Variants in APBA2 observed in about 807,000 individuals in gnomAD.
The protein encoded by APBA2 is amyloid beta precursor protein binding family A member 2, also known as amyloid-beta A4 precursor protein-binding family A member 2.
In APBA2, 30 loss-of-function variants were observed where a neutral mutation model predicts 75.0. That is an observed-to-expected ratio of 0.40 (90% CI 0.30 to 0.54). The LOEUF (loss-of-function observed/expected upper bound fraction) is 0.54. Among genes scored for constraint, APBA2 ranks in the 20% least tolerant of loss-of-function variants. The probability of loss-of-function intolerance (pLI) is 0.49; values close to 1 mark genes in which losing one functional copy is unlikely to be tolerated. For missense variants in APBA2, 801 were observed against 1,016.1 expected (o/e 0.79, Z 2.88); for synonymous variants, 444 against 409.6 (o/e 1.08, Z -1.01).
chr15:29,072,189 G>A (rs879895665), intron 4 of APBA2, among the ~76,000 whole-genome samples: 23 of 152,142 alleles, frequency 1.5e-4, no homozygotes, highest in Non-Finnish European at 1.0e-4. Flanking sequence ...ATTTGCTGGT[G>A]GGCTGGTTGA....
At chr15:29,067,506 T>G (rs558450798) in intron 4 of APBA2, among the ~76,000 whole-genome samples, 260 of 152,208 alleles carry the variant, frequency 1.7e-3, no homozygotes, top group Admixed American at 4.1e-3. Flanking sequence ...GAGCCTCCCC[T>G]TCTCTCCTAG....
At chr15:29,069,689 G>C (rs2042533763) in intron 4 of APBA2, among the ~76,000 whole-genome samples, 1 of 152,198 alleles carries the variant, frequency 6.6e-6, no homozygotes, top group East Asian at 1.9e-4. Flanking sequence ...ATTGGAAGGT[G>C]AGCTGTCCTA....
At chr15:28,978,403 C>T (rs958935545) in intron 2 of APBA2, among the ~76,000 whole-genome samples, 1 of 152,212 alleles carries the variant, frequency 6.6e-6, no homozygotes, top group African/African-American at 2.4e-5. Context: ...GAGCTTTGAG[C>T]CGCCAGAGCT....
chr15:29,004,292 A>T (rs2038999804), intron 3 of APBA2, among the ~76,000 whole-genome samples: 1 of 152,204 alleles, frequency 6.6e-6, no homozygotes, highest in Non-Finnish European at 1.5e-5. Context: ...TGAAGGTCTT[A>T]CCCCTGGTTG....
intron 3 of APBA2, among the ~76,000 whole-genome samples, chr15:29,042,079 T>C (rs1393945575): frequency 6.6e-6 from 1 of 152,158 alleles, no homozygotes; most frequent in African/African-American, 2.4e-5. Flanking sequence ...GTCTGTCCCA[T>C]GCGTCTCCGT....
rs564700043 is a variant in APBA2, at chr15:28,984,363, T to C, written c.-94-11390T>C. 1.8e-3 allele frequency among the ~76,000 whole-genome samples: 273 copies of C among 152,122 alleles called. 1 individual carries two copies. Among genetic ancestry groups the C allele is most frequent in the African/African-American group, 6.5e-3 (271 of 41,512 alleles). Reference sequence around the variant, plus strand: ...ACGTAGCAACCCCATGACATAGGCTTATAGGGGACTATAATTATCCCCATT... The same window carrying C: ...ACGTAGCAACCCCATGACATAGGCTCATAGGGGACTATAATTATCCCCATT... On this transcript the variant is annotated intron_variant, in intron 2 of 14. Transcript: ENST00000683413.
intron 1 of APBA2, among the ~76,000 whole-genome samples, chr15:28,894,672 C>T (rs1417369802): frequency 6.6e-6 from 1 of 152,108 alleles, no homozygotes; most frequent in African/African-American, 2.4e-5. Context: ...CCTAGAGAGT[C>T]CTTGCTGTGG....
intron 1 of APBA2, among the ~76,000 whole-genome samples, chr15:28,903,022 A>G (rs1191686346): frequency 6.6e-6 from 1 of 152,192 alleles, no homozygotes; most frequent in Non-Finnish European, 1.5e-5. Flanking sequence ...AGAGAAGCCC[A>G]GTGACTTGAG....
At chr15:28,941,830 C>T (rs574205271) in intron 2 of APBA2, among the ~76,000 whole-genome samples, 4 of 152,380 alleles carry the variant, frequency 2.6e-5, no homozygotes, top group Admixed American at 2.0e-4. Flanking sequence ...GATCTCAGCT[C>T]ACCGCAAGCT....
rs377731253 is a variant in APBA2, at chr15:29,117,139, C to A, written c.*6C>A. On this transcript the variant is annotated 3_prime_UTR_variant, in exon 15 of 15. Transcript: ENST00000683413. ...AGACCCCGCTGTACATCTAGGCCAC[C>A]CCAGCCTGGCCACGCAGCCAGGACA... 4.0e-5 allele frequency: 64 copies of A among 1,612,748 alleles called. No homozygotes were observed. Among genetic ancestry groups the A allele is most frequent in the Non-Finnish European group, 4.2e-5 (50 of 1,179,780 alleles).
intron 2 of APBA2, among the ~76,000 whole-genome samples, chr15:28,989,827 C>T (rs1362026863): frequency 2.6e-5 from 4 of 152,180 alleles, no homozygotes; most frequent in Admixed American, 1.3e-4. Context: ...CTTCTCTTCC[C>T]CTTCATCCTG....
chr15:28,961,965 T>C (rs920124955), intron 2 of APBA2, among the ~76,000 whole-genome samples: 2 of 152,204 alleles, frequency 1.3e-5, no homozygotes, highest in African/African-American at 4.8e-5. Flanking sequence ...AGTGGGACAG[T>C]TGAGAGAGAA....
intron 6 of APBA2, among the ~76,000 whole-genome samples, chr15:29,085,757 G>C (rs2043264928): frequency 6.6e-6 from 1 of 152,100 alleles, no homozygotes; most frequent in African/African-American, 2.4e-5. Flanking sequence ...GTATATTCCA[G>C]GATCATCTTA....
chr15:28,949,665 C>T (rs1411817515), intron 2 of APBA2, among the ~76,000 whole-genome samples: 2 of 152,168 alleles, frequency 1.3e-5, no homozygotes, highest in African/African-American at 4.8e-5. Flanking sequence ...AACGGGGTCT[C>T]ACTGTATTGC....
intron 6 of APBA2, among the ~76,000 whole-genome samples, chr15:29,091,115 C>T: frequency 6.6e-6 from 1 of 152,174 alleles, no homozygotes; most frequent in South Asian, 2.1e-4. Context: ...GGTTCCTCCC[C>T]TGGTGCCACC....
chr15:29,053,878 G>A lies in APBA2; in HGVS notation c.-7G>A, dbSNP rs376706582. Reference sequence around the variant, plus strand: ...TCCGGGTGATGATGGCTGTGTGAACGACTGCCATGGCCCACCGGAAGCTTG... The same window carrying A: ...TCCGGGTGATGATGGCTGTGTGAACAACTGCCATGGCCCACCGGAAGCTTG... On this transcript the variant is annotated 5_prime_UTR_variant, in exon 4 of 15. Coordinates refer to ENST00000683413, the MANE Select transcript of APBA2 (RefSeq NM_001353788.2). The A allele has an allele frequency of 1.6e-5, 26 of 1,608,574 alleles. No homozygotes were observed. The African/African-American group carries it at 1.9e-4, about 12-fold the overall frequency.
rs2043742116 is a variant in APBA2, at chr15:29,094,387, C to T, written c.1251+74C>T. The stretch of plus-strand genomic sequence containing the variant: ...CGTGGCTTGTCCTGGGCAGTGGGGG[C>T]TGGGGGGTTCCCCTGGGGATCTAAA... On this transcript the variant is annotated intron_variant, in intron 8 of 14. Coordinates refer to ENST00000683413, the MANE Select transcript of APBA2 (RefSeq NM_001353788.2). The T allele has an allele frequency of 2.8e-6, 4 of 1,454,270 alleles. No homozygotes were observed. The African/African-American group carries it at 4.3e-5, about 16-fold the overall frequency. 90.1% of individuals were successfully genotyped at this position (1,454,270 alleles called of 1,614,324 possible).
intron 1 of APBA2, among the ~76,000 whole-genome samples, chr15:28,890,624 G>T (rs188850042): frequency 2.6e-5 from 4 of 152,204 alleles, no homozygotes; most frequent in African/African-American, 9.6e-5. Context: ...TGGAAAAGAG[G>T]ATGGGATTTG....
chr15:29,031,762 A>G (rs531268693), intron 3 of APBA2, among the ~76,000 whole-genome samples: 1 of 152,128 alleles, frequency 6.6e-6, no homozygotes, highest in South Asian at 2.1e-4. Context: ...ACAGAGTGCT[A>G]ATTGGTGCAT....
Sources: allele counts gnomAD v4.1 joint callset (sites outside exome capture counted in the v4.1 genomes callset), GRCh38; gene constraint gnomAD v4.1.1; transcripts MANE v1.5; gene names NCBI Gene and HGNC (gene_info 2026-07-23, HGNC 2026-07-21).